RAB38: variants seen among roughly 807,000 people sequenced by gnomAD.
The protein encoded by RAB38 is ras-related protein Rab-38.
Under a neutral mutation model 18.4 loss-of-function variants are expected in RAB38, and 15 were observed. The ratio of observed to expected loss-of-function variants is 0.82; its 90% CI spans 0.55 to 1.26. The LOEUF is 1.26. Among genes scored for constraint, RAB38 ranks in the 50% most tolerant of loss-of-function variants. RAB38 has a pLI of 0.00. For synonymous variants in RAB38, 101 were observed against 104.4 expected (o/e 0.97, Z 0.20); for missense variants, 294 against 267.4 (o/e 1.10, Z -0.69).
At chr11:87,812,544 G>A in the RAB38 span, among the ~76,000 whole-genome samples, 4 of 152,092 alleles carry the variant, frequency 2.6e-5, no homozygotes, top group Non-Finnish European at 5.9e-5. Context: ...GAGTCTTTTG[G>A]GATTTCTTAG....
At chr11:88,028,453 C>A in the RAB38 span, among the ~76,000 whole-genome samples, 3 of 152,104 alleles carry the variant, frequency 2.0e-5, no homozygotes, top group African/African-American at 7.2e-5. Context: ...GAAATTCAAA[C>A]CAAAGGCAAA....
chr11:88,158,735 C>G (rs1003546038), intron 1 of RAB38, among the ~76,000 whole-genome samples: 1 of 151,810 alleles, frequency 6.6e-6, no homozygotes, highest in Non-Finnish European at 1.5e-5. Context: ...TAATAAAAAC[C>G]CTCAAGAAAA....
At chr11:88,038,041 A>G in the RAB38 span, among the ~76,000 whole-genome samples, 3 of 152,198 alleles carry the variant, frequency 2.0e-5, no homozygotes, top group Non-Finnish European at 4.4e-5. Flanking sequence ...AAAATACAAA[A>G]TACTTTTTGC....
At chr11:87,868,020 T>C in the RAB38 span, among the ~76,000 whole-genome samples, 45,502 of 151,640 alleles carry the variant, frequency 0.3, 8,872 homozygotes, top group African/African-American at 0.54. Context: ...TATGTCAAGA[T>C]TGATACATGG....
At chr11:88,150,861 T>G (rs1438514532) in intron 1 of RAB38, among the ~76,000 whole-genome samples, 1 of 152,202 alleles carries the variant, frequency 6.6e-6, no homozygotes, top group Non-Finnish European at 1.5e-5. Context: ...CAGAGGACCA[T>G]CCCTTTGAAT....
the RAB38 span, among the ~76,000 whole-genome samples, chr11:87,873,277 C>T: frequency 6.6e-6 from 1 of 151,514 alleles, no homozygotes; most frequent in African/African-American, 2.4e-5. Context: ...AGATATTTTA[C>T]CCAGTTTTAA....
the RAB38 span, among the ~76,000 whole-genome samples, chr11:88,040,558 A>G: frequency 1.3e-5 from 2 of 152,154 alleles, no homozygotes; most frequent in East Asian, 1.9e-4. Flanking sequence ...ATAAAAAATT[A>G]GCTGGGTATG....
the RAB38 span, among the ~76,000 whole-genome samples, chr11:88,095,773 C>G: frequency 6.6e-6 from 1 of 151,832 alleles, no homozygotes; most frequent in East Asian, 1.9e-4. Flanking sequence ...CTTGATCTCC[C>G]TAACATCACA....
the RAB38 span, among the ~76,000 whole-genome samples, chr11:87,810,925 T>C: frequency 2.0e-5 from 3 of 152,130 alleles, no homozygotes; most frequent in Non-Finnish European, 2.9e-5. Flanking sequence ...GCAGAAGAGA[T>C]TGAGGCGAGT....
the RAB38 span, among the ~76,000 whole-genome samples, chr11:88,025,524 C>A: frequency 1.2e-3 from 184 of 152,278 alleles, 3 homozygotes; most frequent in East Asian, 0.018. Context: ...CTTTTCTCTG[C>A]AGCCTTGCCA....
At chr11:87,929,837 A>G in the RAB38 span, among the ~76,000 whole-genome samples, 890 of 150,698 alleles carry the variant, frequency 5.9e-3, 7 homozygotes, top group African/African-American at 0.021. Flanking sequence ...TCCTTGCGAT[A>G]GTTTGCTGAG....
At chr11:87,899,960 T>G in the RAB38 span, among the ~76,000 whole-genome samples, 1 of 142,476 alleles carries the variant, frequency 7.0e-6, no homozygotes, top group Non-Finnish European at 1.5e-5. Flanking sequence ...ACTCCTTCCG[T>G]TTTTTTTTTC....
chr11:87,934,668 T>TA, the RAB38 span, among the ~76,000 whole-genome samples: 1 of 152,118 alleles, frequency 6.6e-6, no homozygotes, highest in African/African-American at 2.4e-5. Context: ...CTACCACTTG[T>TA]CTCCATCTGT....
At chr11:87,856,707 CCTT>C in the RAB38 span, among the ~76,000 whole-genome samples, 5 of 151,876 alleles carry the variant, frequency 3.3e-5, no homozygotes, top group African/African-American at 7.3e-5. Context: ...TTCTCCTCCT[CCTT>C]CTTCTTCTTT....
chr11:87,853,768 C>T, the RAB38 span, among the ~76,000 whole-genome samples: 60 of 152,180 alleles, frequency 3.9e-4, 1 homozygote, highest in Admixed American at 3.9e-3. Flanking sequence ...GACAAATCAC[C>T]ATAAACTTAA....
At chr11:88,092,099 G>A in the RAB38 span, among the ~76,000 whole-genome samples, 1 of 151,606 alleles carries the variant, frequency 6.6e-6, no homozygotes, top group African/African-American at 2.4e-5. Context: ...ATGAGGGGAG[G>A]TAGGGATTAC....
the RAB38 span, among the ~76,000 whole-genome samples, chr11:87,953,391 A>C: frequency 1.3e-5 from 2 of 151,862 alleles, no homozygotes; most frequent in Admixed American, 1.3e-4. Flanking sequence ...CTGGATAGCA[A>C]CTCTTAGCAA....
the RAB38 span, among the ~76,000 whole-genome samples, chr11:87,818,274 T>G: frequency 1.1e-4 from 17 of 152,188 alleles, no homozygotes; most frequent in Admixed American, 2.0e-4. Flanking sequence ...CAATTCATAA[T>G]TTTTATATTC....
chr11:88,007,938 T>C, the RAB38 span, among the ~76,000 whole-genome samples: 4 of 152,040 alleles, frequency 2.6e-5, no homozygotes, highest in African/African-American at 9.7e-5. Context: ...TGAAACAATA[T>C]GGATGAACCT....
Sources: allele counts gnomAD v4.1 joint callset (sites outside exome capture counted in the v4.1 genomes callset), GRCh38; gene constraint gnomAD v4.1.1; transcripts MANE v1.5; gene names NCBI Gene and HGNC (gene_info 2026-07-23, HGNC 2026-07-21).